The following CACNB1 variants were observed in gnomAD, a reference collection of about 807,000 sequenced individuals.
The protein encoded by CACNB1 is calcium voltage-gated channel auxiliary subunit beta 1.
A neutral mutation model predicts 71.6 loss-of-function variants in CACNB1; 29 were observed. That is an observed-to-expected ratio of 0.40 (90% CI 0.30 to 0.55). CACNB1 has a LOEUF of 0.55. Among genes scored for constraint, CACNB1 ranks in the 20% least tolerant of loss-of-function variants. The pLI is 0.38. For missense variants in CACNB1, 623 were observed against 801.8 expected, an observed-to-expected ratio of 0.78 and a Z score of 2.69; for synonymous variants, 300 against 319.6, an observed-to-expected ratio of 0.94 and a Z score of 0.65.
chr17:39,177,030 A>G, intron 13 of CACNB1: 1 of 1,090,214 alleles, frequency 9.2e-7, no homozygotes, highest in Non-Finnish European at 1.2e-6. Flanking sequence ...AAGCGCTCCC[A>G]TCAGGCCTCA....
rs2045653222 is a variant in CACNB1 at position 39,178,503 on chromosome 17, C to T, written c.1051-424G>A. Reference sequence around the variant, plus strand: ...TCAAGCGAGCCCCCAGCCTAGCCTCCTCAGTAACTAGGGCTACAGGCACGT... The same window carrying T: ...TCAAGCGAGCCCCCAGCCTAGCCTCTTCAGTAACTAGGGCTACAGGCACGT... On this transcript the variant is annotated intron_variant, in intron 11 of 13. Coordinates refer to ENST00000394303, the MANE Select transcript of CACNB1 (RefSeq NM_000723.5). Among the ~76,000 whole-genome samples, 4 of 151,964 alleles carry T rather than the reference C, an allele frequency of 2.6e-5. No homozygotes were observed. In the South Asian group the frequency reaches 6.2e-4, roughly 24 times the overall value.
chr17:39,178,384 TG>T lies in CACNB1; in HGVS notation c.1051-306del, dbSNP rs1357127632. The T allele has an allele frequency of 7.0e-4, 153 of 217,866 alleles. 1 individual carries two copies. Among genetic ancestry groups the T allele is most frequent in the South Asian group, 1.6e-3 (18 of 11,578 alleles). The allele number at this position is 217,866 out of a possible 1,614,324, so 13.5% of individuals were successfully genotyped here. On this transcript the variant is annotated intron_variant, in intron 11 of 13. Coordinates refer to ENST00000394303, the MANE Select transcript of CACNB1 (RefSeq NM_000723.5). Reference sequence around the variant, plus strand: ...AGGCCCGCCCACTCTCCTTTTTTTTTGTTTTTTTTTTTTTAAATTTTAGAGA... The same window carrying T: ...AGGCCCGCCCACTCTCCTTTTTTTTTTTTTTTTTTTTTTAAATTTTAGAGA...
In CACNB1 at chr17:39,194,406, T is replaced by C. The variant is rs1173885407; in HGVS notation, c.171+478A>G. Among the ~76,000 whole-genome samples the C allele has an allele frequency of 1.3e-5, 2 of 152,156 alleles. No individual in the cohort carries two copies. The highest frequency in any genetic ancestry group is 2.9e-5 in the Non-Finnish European group (2 of 68,020). ...ACCATCACCCTTTCTCTGTGCTTCT[T>C]AGACAGTCATGTCTCGAGGTGAGGA... On this transcript the variant is annotated intron_variant, in intron 2 of 13. Transcript: ENST00000394303. This position sits in a 1 kb window ranked among gnomAD's most constrained non-coding sequence, Gnocchi z 4.6.
intron 2 of CACNB1, 124 bp from the exon 3 acceptor site, chr17:39,191,717 A>C (rs2046085722): frequency 6.6e-6 from 6 of 903,702 alleles, no homozygotes; most frequent in East Asian, 5.6e-5. Context: ...ATGACACCAC[A>C]AGGGCTAAGA....
chr17:39,189,158 T>G (rs556177323), intron 3 of CACNB1, among the ~76,000 whole-genome samples: 1 of 151,762 alleles, frequency 6.6e-6, no homozygotes, highest in South Asian at 2.1e-4. Context: ...AAGTCAGGAG[T>G]TCGAGACCAG....
In CACNB1 at chr17:39,175,137, C is replaced by G; in HGVS notation, c.*56G>C. ...ATACATGTCAGGTGTGAGCCCCTCG[C>G]TCCCTCCCCTCCCCTGGGCTCAGAG... is the stretch of plus-strand genomic sequence containing the variant. On this transcript the variant is annotated 3_prime_UTR_variant, in exon 14 of 14. Transcript: ENST00000394303. This position sits in a 1 kb window ranked among gnomAD's most constrained non-coding sequence, Gnocchi z 4.7. The G allele has an allele frequency of 2.8e-6, 4 of 1,408,822 alleles. No individual in the cohort carries two copies. The highest frequency in any genetic ancestry group is 1.4e-5 in the African/African-American group (1 of 70,148). 87.3% of individuals were successfully genotyped at this position (1,408,822 alleles called of 1,614,324 possible). A position where few individuals can be genotyped will look rare whatever the true frequency, so the allele number is the denominator to read the frequency against.
At position 39,179,319 on chromosome 17, in the gene CACNB1, T is replaced by C. The variant is rs57295243; in HGVS notation, c.1051-1240A>G. Among the ~76,000 whole-genome samples, 149 of 143,256 alleles carry C rather than the reference T, an allele frequency of 1.0e-3. 3 individuals carry two copies. The East Asian group carries it at 0.025, about 24-fold the overall frequency. 94.0% of individuals were successfully genotyped at this position (143,256 alleles called of 152,430 possible). On this transcript the variant is annotated intron_variant, in intron 11 of 13. Coordinates refer to ENST00000394303, the MANE Select transcript of CACNB1 (RefSeq NM_000723.5). ...AAAAAAAAAAGAGGGCCGGGTGCAG[T>C]GGCTCATGCCTATAATCCCAGCACT...
At chr17:39,187,379 T>C in intron 4 of CACNB1, 100 bp downstream of exon 4, 2 of 1,364,186 alleles carry the variant, frequency 1.5e-6, no homozygotes, top group Non-Finnish European at 2.1e-6. Flanking sequence ...ACACAGCAGA[T>C]TCAGCCTGGC....
chr17:39,195,902 G>A (rs375465170), intron 1 of CACNB1, among the ~76,000 whole-genome samples: 73 of 152,254 alleles, frequency 4.8e-4, no homozygotes, highest in African/African-American at 1.5e-3. Flanking sequence ...CTCAGAGACC[G>A]GGTGGAGGAA....
intron 11 of CACNB1, among the ~76,000 whole-genome samples, chr17:39,178,527 G>A (rs952256089): frequency 2.0e-5 from 3 of 151,904 alleles, no homozygotes; most frequent in Admixed American, 1.3e-4. Context: ...CTACAGGCAC[G>A]TGCCATCATA....
chr17:39,185,895 AC>A (rs1218649404), intron 6 of CACNB1: 1 of 1,568,372 alleles, frequency 6.4e-7, no homozygotes, highest in Non-Finnish European at 8.7e-7. Flanking sequence ...CCTTCCCTCC[AC>A]CAAAGTGCTG....
In CACNB1 at chr17:39,175,399, C is replaced by A. The variant is rs1443298887; in HGVS notation, c.1591G>T (p.Gly531Trp). 4.3e-6 allele frequency: 7 copies of A among 1,614,232 alleles called. No individual in the cohort carries two copies. In the South Asian group the frequency reaches 7.7e-5, roughly 18 times the overall value. The change falls in exon 14 of 14, where the codon GGG becomes TGG. Residue 531 changes from glycine (G) to tryptophan (W), a missense_variant. Coordinates refer to ENST00000394303, the MANE Select transcript of CACNB1 (RefSeq NM_000723.5). The surrounding 1 kb of genome is among the most constrained non-coding windows in gnomAD (Gnocchi z 4.7). ...CCGCCCCCTGCAGGGTCTCCAAGCC[C>A]TGGCCCCTCTGAGGGGTCAGTCTCC... ...DMETDPSEGP[G>W]LGDPAGGGTP...
chr17:39,195,008 A>AGGTT (rs2144184431), intron 1 of CACNB1, 38 bp from the exon 2 acceptor site: 1 of 1,454,356 alleles, frequency 6.9e-7, no homozygotes, highest in East Asian at 2.3e-5. Flanking sequence ...TAGAATCAGA[A>AGGTT]GGGCCCTTTC....
intron 11 of CACNB1, among the ~76,000 whole-genome samples, chr17:39,179,589 A>AAAAG (rs984507016): frequency 2.8e-4 from 42 of 150,090 alleles, no homozygotes; most frequent in African/African-American, 9.1e-4. Flanking sequence ...AAAAAAAAAA[A>AAAAG]AAAGAAAGAA....
chr17:39,191,500 C>T lies in CACNB1; in HGVS notation c.265G>A (p.Ala89Thr). The change falls in exon 3 of 14, where the codon GCA becomes ACA. Residue 89 changes from alanine to threonine, a missense_variant. Physicochemically the swap from Ala to Thr is moderately conservative, Grantham distance 58. Coordinates refer to ENST00000394303, the MANE Select transcript of CACNB1 (RefSeq NM_000723.5). The stretch of plus-strand genomic sequence containing the variant: ...TTGGCCTTCTCGAGCTGCGCTAATG[C>T]CTGGCGCTCTGCTTCCTTCCTTAAG... ...EALRKEAERQ[A>T]LAQLEKAKTK... 6.2e-7 allele frequency: 1 copy of T among 1,607,540 alleles called. No individual in the cohort carries two copies. The highest frequency in any genetic ancestry group is 8.5e-7 in the Non-Finnish European group (1 of 1,178,112).
intron 11 of CACNB1, chr17:39,178,295 G>A (rs1474601210): frequency 2.2e-6 from 1 of 446,088 alleles, no homozygotes. Flanking sequence ...TGTTATGCCA[G>A]CCTTCCTTAG....
At position 39,186,070 on chromosome 17, in the gene CACNB1, G is replaced by T. The variant is rs766406540; in HGVS notation, c.628+426C>A. ...CCTCTTCCTCCTCTAACTCTAGGGG[G>T]TCTAGTTCAAAGGCTAAGTTAGTCA... On this transcript the variant is annotated intron_variant, in intron 6 of 13. Transcript: ENST00000394303. The surrounding 1 kb of genome is among the most constrained non-coding windows in gnomAD (Gnocchi z 4.1). 1 of 1,613,884 alleles carries T rather than the reference G, an allele frequency of 6.2e-7. No individual in the cohort carries two copies. The highest frequency in any genetic ancestry group is 1.7e-5 in the Admixed American group (1 of 59,988).
rs1427291883 is a variant in CACNB1 at position 39,187,481 on chromosome 17, C to G, written c.412G>C (p.Glu138Gln). 1 of 1,613,998 alleles carries G rather than the reference C, an allele frequency of 6.2e-7. No individual in the cohort carries two copies. The highest frequency in any genetic ancestry group is 8.5e-7 in the Non-Finnish European group (1 of 1,179,962). Residue 138 changes from glutamate to glutamine, a missense_variant and splice_region_variant, in exon 4 of 14, where the codon GAG (glutamate) becomes CAG (glutamine). Transcript: ENST00000394303. ...FEPKDFLHIKEKYNNDWWIGR... is the reference protein window; with the variant it reads ...FEPKDFLHIKQKYNNDWWIGR... Reference sequence around the variant, plus strand: ...CTGCCCTCCCTCCAGATACCCACCTCCTTGATGTGCAGGAAGTCTTTGGGC... The same window carrying G: ...CTGCCCTCCCTCCAGATACCCACCTGCTTGATGTGCAGGAAGTCTTTGGGC...
Position 39,177,517 on chromosome 17 carries a change from GGAT to G in CACNB1, c.1162_1164del (p.Ile388del). ...GCATCCTCCAATTGGTTCTCATCCA[GGAT>G]GATGTCAAACATTTCCTGTGAAGGC... On this transcript the variant is annotated inframe_deletion, in exon 13 of 14. Transcript: ENST00000394303. 6.3e-7 allele frequency: 1 copy of G among 1,597,184 alleles called. No homozygotes were observed. Among genetic ancestry groups the G allele is most frequent in the Non-Finnish European group, 8.6e-7 (1 of 1,168,560 alleles).
Sources: allele counts gnomAD v4.1 joint callset (sites outside exome capture counted in the v4.1 genomes callset), GRCh38; gene constraint gnomAD v4.1.1; non-coding constraint Gnocchi (gnomAD v3.1); transcripts MANE v1.5; gene names NCBI Gene and HGNC (gene_info 2026-07-23, HGNC 2026-07-21).